NETO1: variants seen among roughly 807,000 people sequenced by gnomAD.
NETO1 encodes neuropilin and tolloid-like protein 1.
Under a neutral mutation model 61.3 loss-of-function variants are expected in NETO1, and 26 were observed. That is an observed-to-expected ratio of 0.42 (90% CI 0.31 to 0.59). The LOEUF is 0.59. Ranked by LOEUF, NETO1 falls within the 20% of genes least tolerant of loss-of-function variation. The pLI is 0.12. For missense variants in NETO1, 531 were observed against 662.8 expected, an observed-to-expected ratio of 0.80 and a Z score of 2.18; for synonymous variants, 225 against 225.8, an observed-to-expected ratio of 1.00 and a Z score of 0.03.
rs548570723 is a variant in NETO1, at chr18:72,843,549, A to G, written c.469+15277T>C. On this transcript the variant is annotated intron_variant, in intron 4 of 10. Coordinates refer to ENST00000327305, the MANE Select transcript of NETO1 (RefSeq NM_138966.5). ...GAAAAAAAATGAACTACTAAACCCA[A>G]TATTAGTACATGATCTGGTCATTTC... Among the ~76,000 whole-genome samples, 17 of 152,320 alleles carry G rather than the reference A, an allele frequency of 1.1e-4. No individual in the cohort carries two copies. In the South Asian group the frequency reaches 3.1e-3, roughly 28 times the overall value.
chr18:72,805,546 T>A (rs1032070396), intron 4 of NETO1, among the ~76,000 whole-genome samples: 1 of 152,224 alleles, frequency 6.6e-6, no homozygotes, highest in South Asian at 2.1e-4. Context: ...ATGATGTAGA[T>A]AACAGTGCTA....
At chr18:72,836,656 A>G (rs1267498258) in intron 4 of NETO1, among the ~76,000 whole-genome samples, 5 of 152,200 alleles carry the variant, frequency 3.3e-5, no homozygotes, top group African/African-American at 7.2e-5. Context: ...ATCGTTTTGC[A>G]TGAATGGAGG....
intron 4 of NETO1, among the ~76,000 whole-genome samples, chr18:72,813,221 G>T (rs577728500): frequency 5.3e-5 from 8 of 152,284 alleles, no homozygotes; most frequent in African/African-American, 1.7e-4. Flanking sequence ...CATTACAGGA[G>T]AACTGCACCT....
chr18:72,834,491 A>C lies in NETO1; in HGVS notation c.469+24335T>G, dbSNP rs1001113662. The C allele has an allele frequency of 2.8e-5, 27 of 975,532 alleles. No homozygotes were observed. The African/African-American group carries it at 4.7e-4, about 17-fold the overall frequency. The allele number at this position is 975,532 out of a possible 1,614,324, so 60.4% of individuals were successfully genotyped here. ...CAATTTCATTTTTAAATTATGTGAC[A>C]CTTAAGAAAGTTAATCAACTATTCT... is the stretch of plus-strand genomic sequence containing the variant. On this transcript the variant is annotated intron_variant, in intron 4 of 10. Coordinates refer to ENST00000327305, the MANE Select transcript of NETO1 (RefSeq NM_138966.5).
intron 4 of NETO1, among the ~76,000 whole-genome samples, chr18:72,803,975 C>G (rs536858367): frequency 7.4e-4 from 112 of 152,170 alleles, no homozygotes; most frequent in Admixed American, 2.6e-3. Context: ...AAACCTGACA[C>G]TCGATTTGCA....
intron 4 of NETO1, among the ~76,000 whole-genome samples, chr18:72,824,932 T>C (rs1387723819): frequency 2.0e-5 from 3 of 152,014 alleles, no homozygotes; most frequent in African/African-American, 7.2e-5. Flanking sequence ...GGATTAAATA[T>C]AAAAGTTCCT....
chr18:72,821,234 T>TAAAAAAAAAAAAAAAAAAAAAA (rs10672110), intron 4 of NETO1, among the ~76,000 whole-genome samples: 1 of 80,220 alleles, frequency 1.2e-5, no homozygotes, highest in Non-Finnish European at 2.3e-5. Flanking sequence ...TCATATTAAC[T>TAAAAAAAAAAAAAAAAAAAAAA]AAAAAAAAAA....
chr18:72,845,950 A>C (rs1226513532), intron 4 of NETO1, among the ~76,000 whole-genome samples: 1 of 128,772 alleles, frequency 7.8e-6, no homozygotes, highest in Non-Finnish European at 1.7e-5. Flanking sequence ...AGTCTAGCAC[A>C]ATGAACATAA....
chr18:72,823,815 T>G (rs2073288484), intron 4 of NETO1, among the ~76,000 whole-genome samples: 2 of 152,228 alleles, frequency 1.3e-5, no homozygotes, highest in Admixed American at 6.5e-5. Context: ...CATTTCTGCC[T>G]TCTTGCCACA....
chr18:72,749,186 CTG>C, intron 9 of NETO1, 98 bp from the exon 10 acceptor site: 1 of 790,568 alleles, frequency 1.3e-6, no homozygotes, highest in Non-Finnish European at 2.2e-6. Context: ...ATTCAGAAAA[CTG>C]TGGAAATAGA....
chr18:72,834,956 A>G, intron 4 of NETO1: 1 of 767,874 alleles, frequency 1.3e-6, no homozygotes, highest in Non-Finnish European at 1.6e-6. Flanking sequence ...ATTACATAAA[A>G]CAATATAATT....
rs138673172 is a variant in NETO1 at position 72,783,897 on chromosome 18, G to T, written c.649C>A (p.Arg217=). The T allele has an allele frequency of 4.6e-5, 74 of 1,609,758 alleles. No homozygotes were observed. The highest frequency in any genetic ancestry group is 7.7e-6 in the Non-Finnish European group (9 of 1,176,318). ...TTCTGCATCTCATAGTCCAAGAATC[G>T]TAAGTAAATCTATAAAACAAAAATA... ...RAPPRSKIYL[R]FLDYEMQNSN... The change falls in exon 7 of 11, where the codon CGA becomes AGA. Residue 217 remains arginine, a synonymous_variant. Transcript: ENST00000327305.
intron 4 of NETO1, among the ~76,000 whole-genome samples, chr18:72,808,277 T>C (rs999400522): frequency 2.0e-5 from 3 of 152,176 alleles, no homozygotes; most frequent in African/African-American, 7.2e-5. Flanking sequence ...AAGACATAAC[T>C]TCTCCTAAGA....
At chr18:72,813,035 C>T (rs552592791) in intron 4 of NETO1, among the ~76,000 whole-genome samples, 3 of 152,114 alleles carry the variant, frequency 2.0e-5, no homozygotes, top group Non-Finnish European at 4.4e-5. Flanking sequence ...ATGAGAGAGC[C>T]ACTCTCCATG....
intron 7 of NETO1, among the ~76,000 whole-genome samples, chr18:72,776,842 A>G (rs929504338): frequency 6.6e-6 from 1 of 152,164 alleles, no homozygotes; most frequent in Non-Finnish European, 1.5e-5. Flanking sequence ...CTTCTCACAC[A>G]CAAAATATAT....
At chr18:72,782,715 A>G (rs2145225995) in intron 7 of NETO1, among the ~76,000 whole-genome samples, 1 of 152,230 alleles carries the variant, frequency 6.6e-6, no homozygotes, top group South Asian at 2.1e-4. Context: ...GAGGCAGGAG[A>G]ATCACTTGAA....
chr18:72,763,791 A>T (rs1484758714), intron 7 of NETO1, among the ~76,000 whole-genome samples: 1 of 152,164 alleles, frequency 6.6e-6, no homozygotes, highest in Non-Finnish European at 1.5e-5. Context: ...AACAGCTTGG[A>T]GTATGTATTA....
At chr18:72,748,224 A>C in intron 10 of NETO1, 60 bp from the exon 11 acceptor site, 1 of 981,026 alleles carries the variant, frequency 1.0e-6, no homozygotes. Context: ...CAAATACACC[A>C]ATTTATTAAG....
chr18:72,779,401 C>A (rs1300702654), intron 7 of NETO1, among the ~76,000 whole-genome samples: 1 of 151,800 alleles, frequency 6.6e-6, no homozygotes, highest in Non-Finnish European at 1.5e-5. Context: ...TCTACAAGAA[C>A]CAAAATCATC....
Sources: allele counts gnomAD v4.1 joint callset (sites outside exome capture counted in the v4.1 genomes callset), GRCh38; gene constraint gnomAD v4.1.1; transcripts MANE v1.5; gene names NCBI Gene and HGNC (gene_info 2026-07-23, HGNC 2026-07-21).